The following KCNT2 variants were observed in gnomAD, a reference collection of about 807,000 sequenced individuals.
KCNT2 encodes potassium sodium-activated channel subfamily T member 2, also known as potassium channel subfamily T member 2.
A neutral mutation model predicts 153.8 loss-of-function variants in KCNT2; 67 were observed. That is an observed-to-expected ratio of 0.44 (90% confidence interval 0.36 to 0.53). The LOEUF (loss-of-function observed/expected upper bound fraction) is 0.53. KCNT2 is among the 20% of genes least tolerant of loss of function. The pLI, the probability that KCNT2 is intolerant of heterozygous loss-of-function variation, is 0.00. For synonymous variants in KCNT2, 500 were observed against 458.8 expected, an observed-to-expected ratio of 1.09 and a Z score of -1.15; for missense variants, 975 against 1,354.8, an observed-to-expected ratio of 0.72 and a Z score of 4.40.
At chr1:196,417,699 T>C (rs1197008001) in intron 12 of KCNT2, among the ~76,000 whole-genome samples, 1 of 152,140 alleles carries the variant, frequency 6.6e-6, no homozygotes, top group Non-Finnish European at 1.5e-5. Context: ...CACTTAGCGA[T>C]GGGGATATAT....
At chr1:196,312,045 AT>A (rs1662232992) in intron 21 of KCNT2, among the ~76,000 whole-genome samples, 1 of 151,886 alleles carries the variant, frequency 6.6e-6, no homozygotes, top group Non-Finnish European at 1.5e-5. Context: ...AGAAGGATAC[AT>A]TTAAATTTGA....
At chr1:196,485,755 T>G (rs180920151) in intron 3 of KCNT2, among the ~76,000 whole-genome samples, 1 of 151,896 alleles carries the variant, frequency 6.6e-6, no homozygotes, top group Non-Finnish European at 1.5e-5. Flanking sequence ...AGGAAATGTA[T>G]ATATTTTGGT....
At chr1:196,387,109 G>A (rs1462732213) in intron 13 of KCNT2, among the ~76,000 whole-genome samples, 1 of 151,890 alleles carries the variant, frequency 6.6e-6, no homozygotes, top group East Asian at 1.9e-4. Flanking sequence ...TTAGAAAAAT[G>A]AGAATATGCA....
At chr1:196,487,682 T>A (rs544083547) in intron 3 of KCNT2, among the ~76,000 whole-genome samples, 2 of 152,018 alleles carry the variant, frequency 1.3e-5, no homozygotes, top group African/African-American at 4.8e-5. Context: ...AGAGCTATTG[T>A]AAAAATTCTG....
intron 13 of KCNT2, among the ~76,000 whole-genome samples, chr1:196,382,892 T>A (rs1669630643): frequency 6.6e-6 from 1 of 151,950 alleles, no homozygotes; most frequent in Non-Finnish European, 1.5e-5. Flanking sequence ...TCTGACCCAC[T>A]GAGTATTATT....
At chr1:196,336,927 A>G (rs1448034928) in intron 16 of KCNT2, among the ~76,000 whole-genome samples, 1 of 152,090 alleles carries the variant, frequency 6.6e-6, no homozygotes, top group Non-Finnish European at 1.5e-5. Context: ...CATCCCCCTG[A>G]TACTTAATCT....
At chr1:196,348,277 G>A (rs1359624069) in intron 14 of KCNT2, among the ~76,000 whole-genome samples, 2 of 151,454 alleles carry the variant, frequency 1.3e-5, no homozygotes, top group Non-Finnish European at 2.9e-5. Flanking sequence ...TCAATTTAGT[G>A]TTGTAATTAG....
At chr1:196,286,570 T>C (rs1361232116) in intron 22 of KCNT2, among the ~76,000 whole-genome samples, 1 of 151,834 alleles carries the variant, frequency 6.6e-6, no homozygotes, top group Admixed American at 6.6e-5. Context: ...TCCACCTAAC[T>C]GATAAATTGC....
intron 1 of KCNT2, among the ~76,000 whole-genome samples, chr1:196,540,181 T>C (rs1045651555): frequency 1.3e-5 from 2 of 152,120 alleles, no homozygotes; most frequent in African/African-American, 4.8e-5. Flanking sequence ...GAATATGCAC[T>C]TTTACATGTT....
At chr1:196,383,031 G>A (rs550437922) in intron 13 of KCNT2, among the ~76,000 whole-genome samples, 5 of 152,248 alleles carry the variant, frequency 3.3e-5, no homozygotes, top group African/African-American at 1.2e-4. Context: ...AAGGAAGTCA[G>A]AACACTGACA....
At chr1:196,432,000 AAAGGTTTGAGGGC>A (rs1201474618) in intron 8 of KCNT2, among the ~76,000 whole-genome samples, 1 of 152,046 alleles carries the variant, frequency 6.6e-6, no homozygotes, top group Non-Finnish European at 1.5e-5. Flanking sequence ...CCAGAGTGTG[AAAGGTTTGAGGGC>A]AGAATAGTTT....
In KCNT2 at chr1:196,284,230, TAAA is replaced by T. The variant is rs1190571024; in HGVS notation, c.2697+1424_2697+1426del. 6.7e-4 allele frequency among the ~76,000 whole-genome samples: 2 copies of T among 2,974 alleles called. 1 individual carries two copies. The highest frequency in any genetic ancestry group is 0.059 in the East Asian group (2 of 34). The allele number at this position is 2,974 out of a possible 152,430, so 2.0% of individuals were successfully genotyped here. A position where few individuals can be genotyped will look rare whatever the true frequency, so the allele number is the denominator to read the frequency against. On this transcript the variant is annotated intron_variant, in intron 23 of 27. Coordinates refer to ENST00000294725, the MANE Select transcript of KCNT2 (RefSeq NM_198503.5). The stretch of plus-strand genomic sequence containing the variant: ...TGGGCGACAGAGCAAGACTCTGTCT[TAAA>T]AAAAAAAAAAAAAAAATATATATAT...
chr1:196,467,293 C>T (rs115157602), intron 7 of KCNT2, among the ~76,000 whole-genome samples: 3 of 151,924 alleles, frequency 2.0e-5, no homozygotes, highest in African/African-American at 7.3e-5. Context: ...CTTTACCAGT[C>T]ATAGGACCCT....
At chr1:196,596,056 G>GTATATATATATA (rs1174131733) in intron 1 of KCNT2, among the ~76,000 whole-genome samples, 57 of 4,274 alleles carry the variant, frequency 0.013, no homozygotes, top group African/African-American at 0.015. Context: ...TCCATGATGT[G>GTATATATATATA]TATATATATA....
At chr1:196,573,723 C>A (rs1171406723) in intron 1 of KCNT2, among the ~76,000 whole-genome samples, 1 of 151,910 alleles carries the variant, frequency 6.6e-6, no homozygotes. Context: ...TGAGCTACCT[C>A]AGAAAACTGG....
chr1:196,417,034 A>C (rs1276679813), intron 12 of KCNT2, among the ~76,000 whole-genome samples: 1 of 151,980 alleles, frequency 6.6e-6, no homozygotes, highest in Non-Finnish European at 1.5e-5. Context: ...TGTCTGACTT[A>C]TTTCACTTAA....
At chr1:196,267,623 C>T (rs973554996) in intron 25 of KCNT2, among the ~76,000 whole-genome samples, 7 of 152,112 alleles carry the variant, frequency 4.6e-5, no homozygotes, top group Admixed American at 1.3e-4. Flanking sequence ...CAGTGGTGCT[C>T]GTGGGCTTCT....
intron 22 of KCNT2, among the ~76,000 whole-genome samples, chr1:196,295,962 G>T (rs1343313311): frequency 6.6e-6 from 1 of 151,916 alleles, no homozygotes; most frequent in Non-Finnish European, 1.5e-5. Flanking sequence ...GCATATGAAT[G>T]ACTCATTGCT....
chr1:196,235,500 G>T (rs1473744301), intron 27 of KCNT2, among the ~76,000 whole-genome samples: 4 of 151,428 alleles, frequency 2.6e-5, no homozygotes, highest in Non-Finnish European at 4.4e-5. Flanking sequence ...TGAAGTCAGA[G>T]AAAATGCCTT....
Sources: allele counts gnomAD v4.1 joint callset (sites outside exome capture counted in the v4.1 genomes callset), GRCh38; gene constraint gnomAD v4.1.1; transcripts MANE v1.5; gene names NCBI Gene and HGNC (gene_info 2026-07-23, HGNC 2026-07-21).